ZNF267: variants seen among roughly 807,000 people sequenced by gnomAD.
The protein encoded by ZNF267 is zinc finger (C2H2).
ZNF267 carries 61 observed loss-of-function variants against 71.6 expected under a neutral mutation model. The observed-to-expected ratio is 0.85, with a 90% confidence interval of 0.69 to 1.05. The LOEUF (loss-of-function observed/expected upper bound fraction) is 1.05. Among genes scored for constraint, ZNF267 ranks in the 50% least tolerant of loss-of-function variants. The pLI is 0.00. For missense variants in ZNF267, 852 were observed against 870.0 expected (o/e 0.98, Z 0.26); for synonymous variants, 288 against 293.2 (o/e 0.98, Z 0.18).
chr16:31,874,534 G>A (rs1462733650), intron 1 of ZNF267, among the ~76,000 whole-genome samples: 2 of 152,226 alleles, frequency 1.3e-5, no homozygotes, highest in African/African-American at 4.8e-5. Context: ...GTTTGTAGTT[G>A]CCTTATTTAG....
At position 31,905,342 on chromosome 16, in the gene ZNF267, G is replaced by T. The variant is rs541537654; in HGVS notation, c.227-9134G>T. Among the ~76,000 whole-genome samples the T allele has an allele frequency of 2.6e-5, 4 of 151,866 alleles. No individual in the cohort carries two copies. In the South Asian group the frequency reaches 8.3e-4, roughly 31 times the overall value. ...ATTTGAATGTTTGCCTGCCTTGCTGGATTGGGGAAGTTCTCCTGGATAATA... is the reference window on the plus strand; with the variant it reads ...ATTTGAATGTTTGCCTGCCTTGCTGTATTGGGGAAGTTCTCCTGGATAATA... On this transcript the variant is annotated intron_variant, in intron 3 of 3. Transcript: ENST00000300870.
Position 31,915,066 on chromosome 16 carries a change from G to C in ZNF267, c.817G>C (p.Val273Leu). Reference protein sequence around the residue: ...QEQSYKCNKCVEVCTQSLKHI... With the variant: ...QEQSYKCNKCLEVCTQSLKHI... ...ACAGTCTTACAAATGTAATAAATGT[G>C]TAGAAGTTTGTACCCAGTCATTAAA... Residue 273 changes from valine to leucine, a missense_variant, in exon 4 of 4, where the codon GTA becomes CTA. Coordinates refer to ENST00000300870, the MANE Select transcript of ZNF267 (RefSeq NM_003414.6). The C allele has an allele frequency of 1.2e-6, 2 of 1,613,426 alleles. No individual in the cohort carries two copies. The highest frequency in any genetic ancestry group is 1.7e-6 in the Non-Finnish European group (2 of 1,179,774).
chr16:31,910,400 CT>C (rs974348979), intron 3 of ZNF267, among the ~76,000 whole-genome samples: 31 of 151,432 alleles, frequency 2.0e-4, no homozygotes, highest in Admixed American at 6.6e-5. Context: ...TACTGGGAGA[CT>C]TTTTATTATG....
chr16:31,876,975 A>G (rs1441887893), intron 1 of ZNF267, among the ~76,000 whole-genome samples: 1 of 152,206 alleles, frequency 6.6e-6, no homozygotes, highest in Admixed American at 6.5e-5. Context: ...GAAAATCCAC[A>G]GAAAGAGGCA....
chr16:31,874,022 G>A, intron 1 of ZNF267, 53 bp downstream of exon 1: 1 of 1,596,418 alleles, frequency 6.3e-7, no homozygotes, highest in East Asian at 2.3e-5. Flanking sequence ...GTGGTCGGAA[G>A]CGGCGGGAAC....
chr16:31,884,562 C>A lies in ZNF267; in HGVS notation c.68C>A (p.Pro23Gln). The A allele has an allele frequency of 6.2e-7, 1 of 1,614,092 alleles. No individual in the cohort carries two copies. Among genetic ancestry groups the A allele is most frequent in the Non-Finnish European group, 8.5e-7 (1 of 1,179,982 alleles). Residue 23 changes from proline to glutamine, a missense_variant, in exon 2 of 4, where the codon CCA becomes CAA. Coordinates refer to ENST00000300870, the MANE Select transcript of ZNF267 (RefSeq NM_003414.6). ...FSLEEWEHLE[P>Q]AQKNLYQDVM... is the part of the protein sequence containing the mutation. ...TTGGAGGAGTGGGAACACCTGGAAC[C>A]AGCTCAGAAGAATTTGTATCAGGAT...
intron 3 of ZNF267, among the ~76,000 whole-genome samples, chr16:31,905,272 G>A (rs1437003983): frequency 1.3e-5 from 2 of 152,070 alleles, no homozygotes; most frequent in East Asian, 1.9e-4. Flanking sequence ...TCTTGGAGTT[G>A]CTCTTCTTGA....
chr16:31,901,718 C>T (rs1221189693), intron 3 of ZNF267, among the ~76,000 whole-genome samples: 1 of 152,120 alleles, frequency 6.6e-6, no homozygotes, highest in African/African-American at 2.4e-5. Context: ...GAGTAGGTTG[C>T]AAAAATTTTC....
chr16:31,893,637 T>C (rs1473393039), intron 3 of ZNF267, among the ~76,000 whole-genome samples: 1 of 152,222 alleles, frequency 6.6e-6, no homozygotes, highest in Non-Finnish European at 1.5e-5. Context: ...TTAGCAGTCA[T>C]GCCTTTATGG....
At chr16:31,881,090 T>A (rs1419768571) in intron 1 of ZNF267, among the ~76,000 whole-genome samples, 1 of 152,218 alleles carries the variant, frequency 6.6e-6, no homozygotes. Flanking sequence ...TTATATTGAT[T>A]TTTTCTTGTT....
intron 1 of ZNF267, 39 bp from the exon 2 acceptor site, chr16:31,884,459 A>T: frequency 6.2e-7 from 1 of 1,613,444 alleles, no homozygotes; most frequent in Non-Finnish European, 8.5e-7. Context: ...GAACTCTGCC[A>T]TGGCCACATG....
chr16:31,875,171 C>A, intron 1 of ZNF267: 1 of 1,289,196 alleles, frequency 7.8e-7, no homozygotes, highest in Non-Finnish European at 1.0e-6. Context: ...TAGCCACCCT[C>A]TATCCAGTCT....
chr16:31,901,748 T>C (rs1048429764), intron 3 of ZNF267, among the ~76,000 whole-genome samples: 1 of 152,234 alleles, frequency 6.6e-6, no homozygotes, highest in African/African-American at 2.4e-5. Context: ...GTAGGTTGCC[T>C]GTTCACTCTG....
chr16:31,884,711 G>A, intron 2 of ZNF267, 87 bp downstream of exon 2: 1 of 1,379,116 alleles, frequency 7.3e-7, no homozygotes, highest in Non-Finnish European at 9.8e-7. Flanking sequence ...TGCTTTGTAT[G>A]AGTTAGTTTT....
At chr16:31,903,274 T>A (rs558776163) in intron 3 of ZNF267, among the ~76,000 whole-genome samples, 40 of 152,340 alleles carry the variant, frequency 2.6e-4, no homozygotes, top group African/African-American at 8.7e-4. Flanking sequence ...TCTGCCAGGC[T>A]TTGGTCTCAG....
chr16:31,906,214 T>C (rs1473529232), intron 3 of ZNF267, among the ~76,000 whole-genome samples: 1 of 151,802 alleles, frequency 6.6e-6, no homozygotes, highest in Non-Finnish European at 1.5e-5. Context: ...GCCTCCCAGA[T>C]AGGCTAGTCA....
chr16:31,899,821 G>A (rs2084025125), intron 3 of ZNF267, among the ~76,000 whole-genome samples: 1 of 151,952 alleles, frequency 6.6e-6, no homozygotes, highest in Non-Finnish European at 1.5e-5. Context: ...TACTTTATAA[G>A]CATATTATAA....
At chr16:31,887,542 T>C (rs956464279) in intron 3 of ZNF267, among the ~76,000 whole-genome samples, 2 of 152,178 alleles carry the variant, frequency 1.3e-5, no homozygotes, top group African/African-American at 4.8e-5. Flanking sequence ...TGCATTTAAG[T>C]GTTAATTCTT....
At chr16:31,898,322 C>T (rs2084014812) in intron 3 of ZNF267, among the ~76,000 whole-genome samples, 2 of 151,976 alleles carry the variant, frequency 1.3e-5, no homozygotes, top group Admixed American at 6.6e-5. Flanking sequence ...CTTTCATGTT[C>T]AGCCCATGTG....
Sources: gnomAD v4.1 joint callset for allele counts (sites outside exome capture counted in the v4.1 genomes callset) on GRCh38, gnomAD v4.1.1 for gene constraint, MANE v1.5 for transcripts, NCBI Gene and HGNC (gene_info 2026-07-23, HGNC 2026-07-21) for gene names.